The following ADAM23 variants were observed in gnomAD, a reference collection of about 807,000 sequenced individuals.
The protein encoded by ADAM23 is disintegrin and metalloproteinase domain-containing protein 23.
A neutral mutation model predicts 120.1 loss-of-function variants in ADAM23; 33 were observed. That is an observed-to-expected ratio of 0.27 (90% CI 0.21 to 0.37). The LOEUF (loss-of-function observed/expected upper bound fraction) is 0.37. ADAM23 is among the 10% of genes least tolerant of loss of function. The pLI, the probability that ADAM23 is intolerant of heterozygous loss-of-function variation, is 1.00. For missense variants in ADAM23, 862 were observed against 1,058.2 expected, an observed-to-expected ratio of 0.81 and a Z score of 2.57; for synonymous variants, 367 against 375.2, an observed-to-expected ratio of 0.98 and a Z score of 0.25.
At chr2:206,542,000 G>T (rs1697298891) in intron 4 of ADAM23, 52 bp from the exon 5 acceptor site, 5 of 1,581,944 alleles carry the variant, frequency 3.2e-6, no homozygotes, top group Admixed American at 1.7e-5. Context: ...AGCACCCAAA[G>T]AATTAATCAT....
rs1409746129 is a variant in ADAM23, at chr2:206,594,756, G to C, written c.2098G>C (p.Asp700His). ...IDCSGAHVVL[D>H]DDTDVGYVED... ...TTTTAGTGGTGCCCATGTAGTTTTAGATGATGATACGGATGTGGGCTATGT... is the reference window on the plus strand; with the variant it reads ...TTTTAGTGGTGCCCATGTAGTTTTACATGATGATACGGATGTGGGCTATGT... Residue 700 changes from aspartate to histidine, a missense_variant, in exon 23 of 26, where the codon GAT becomes CAT. By Grantham distance (81) the Asp-to-His change is moderately conservative. Coordinates refer to ENST00000264377, the MANE Select transcript of ADAM23 (RefSeq NM_003812.4). 1 of 1,614,194 alleles carries C rather than the reference G, an allele frequency of 6.2e-7. No individual in the cohort carries two copies. The highest frequency in any genetic ancestry group is 1.7e-5 in the Admixed American group (1 of 60,024).
chr2:206,557,989 T>TTTC (rs1697680174), intron 10 of ADAM23, among the ~76,000 whole-genome samples: 1 of 152,192 alleles, frequency 6.6e-6, no homozygotes, highest in African/African-American at 2.4e-5. Flanking sequence ...TCATACTTGA[T>TTTC]TTCTAGATGA....
intron 2 of ADAM23, among the ~76,000 whole-genome samples, chr2:206,451,732 A>T (rs1695198092): frequency 6.6e-6 from 1 of 152,276 alleles, no homozygotes; most frequent in African/African-American, 2.4e-5. Context: ...TGCTGAAGAG[A>T]GGTAGGGTGT....
At chr2:206,606,960 A>G (rs1698740408) in intron 24 of ADAM23, 1 of 152,214 alleles carries the variant, frequency 6.6e-6, no homozygotes, top group Non-Finnish European at 1.5e-5. Flanking sequence ...TGTGAATATC[A>G]GATATGTTTT....
At position 206,443,967 on chromosome 2, in the gene ADAM23, C is replaced by T; in HGVS notation, c.101C>T (p.Pro34Leu). ...GPQRGPAGSV[P>L]ASAPARTPPC... ...CAACGCGGCCCCGCCGGCTCGGTGCCTGCCAGCGCCCCGGCCCGCACGCCG... is the reference window on the plus strand; with the variant it reads ...CAACGCGGCCCCGCCGGCTCGGTGCTTGCCAGCGCCCCGGCCCGCACGCCG... Residue 34 changes from proline to leucine, a missense_variant, in exon 1 of 26, where the codon CCT becomes CTT. Physicochemically the swap from Pro to Leu is moderately conservative, Grantham distance 98 (BLOSUM62 -3). This residue lies in a region of ADAM23 where 225 missense variants were observed against 204.0 expected (regional missense o/e 1.10). Transcript: ENST00000264377. 2 of 1,340,432 alleles carry T rather than the reference C, an allele frequency of 1.5e-6. No homozygotes were observed. Among genetic ancestry groups the T allele is most frequent in the African/African-American group, 1.5e-5 (1 of 66,048 alleles). 83.0% of individuals were successfully genotyped at this position (1,340,432 alleles called of 1,614,324 possible). A position where few individuals can be genotyped will look rare whatever the true frequency, so the allele number is the denominator to read the frequency against.
intron 23 of ADAM23, among the ~76,000 whole-genome samples, chr2:206,595,555 G>A (rs1389593524): frequency 6.6e-6 from 1 of 152,080 alleles, no homozygotes; most frequent in Non-Finnish European, 1.5e-5. Flanking sequence ...ACGTGGTAAC[G>A]GTGAGGTCAT....
At chr2:206,581,230 G>A (rs1480987002) in intron 18 of ADAM23, among the ~76,000 whole-genome samples, 1 of 151,956 alleles carries the variant, frequency 6.6e-6, no homozygotes, top group African/African-American at 2.4e-5. Flanking sequence ...ATTTAGTTCT[G>A]TGCTGATCTC....
At chr2:206,612,782 G>A (rs116360212) in intron 25 of ADAM23, among the ~76,000 whole-genome samples, 2,555 of 152,286 alleles carry the variant, frequency 0.017, 28 homozygotes, top group Non-Finnish European at 0.027. Flanking sequence ...TAAAAAGCAT[G>A]AAAATGTGTG....
chr2:206,443,923 C>T lies in ADAM23; in HGVS notation c.57C>T (p.Ala19=), dbSNP rs867475428. 12 of 1,226,004 alleles carry T rather than the reference C, an allele frequency of 9.8e-6. No individual in the cohort carries two copies. Among genetic ancestry groups the T allele is most frequent in the African/African-American group, 1.6e-5 (1 of 63,064 alleles). 75.9% of individuals were successfully genotyped at this position (1,226,004 alleles called of 1,614,324 possible). ...CGCCCCTGGCGGGCTGCAGCCTTGC[C>T]GGCGCTTCCTGCGGCCCCCAACGCG... is the stretch of plus-strand genomic sequence containing the variant. The part of the protein sequence containing the change: ...RQPPLAGCSL[A]GASCGPQRGP... Residue 19 remains alanine (A), a synonymous_variant, in exon 1 of 26, where the codon GCC becomes GCT. Transcript: ENST00000264377.
intron 3 of ADAM23, among the ~76,000 whole-genome samples, chr2:206,498,881 A>G (rs996445736): frequency 2.0e-5 from 3 of 152,370 alleles, no homozygotes; most frequent in African/African-American, 2.4e-5. Context: ...TATGCAGCCA[A>G]AAAAACATGA....
chr2:206,474,328 G>GC (rs1246832305), intron 2 of ADAM23, among the ~76,000 whole-genome samples: 2 of 152,062 alleles, frequency 1.3e-5, no homozygotes, highest in African/African-American at 4.8e-5. Flanking sequence ...CTTGAACAAG[G>GC]TCAAAGCATA....
chr2:206,449,103 G>GT (rs1218468218), intron 2 of ADAM23, among the ~76,000 whole-genome samples: 1 of 152,158 alleles, frequency 6.6e-6, no homozygotes, highest in Non-Finnish European at 1.5e-5. Flanking sequence ...CATCGAGGTG[G>GT]TATGTGATGG....
chr2:206,516,525 C>T (rs1173174451), intron 3 of ADAM23, among the ~76,000 whole-genome samples: 1 of 152,006 alleles, frequency 6.6e-6, no homozygotes, highest in Non-Finnish European at 1.5e-5. Flanking sequence ...AGACCCTCTT[C>T]CTGGCTTATA....
In ADAM23 at chr2:206,618,960, T is replaced by G. The variant is rs921926258; in HGVS notation, c.*1333T>G. 1.4e-4 allele frequency: 22 copies of G among 152,160 alleles called. No individual in the cohort carries two copies. The highest frequency in any genetic ancestry group is 2.6e-4 in the Non-Finnish European group (18 of 68,032). The allele number at this position is 152,160 out of a possible 1,614,324, so 9.4% of individuals were successfully genotyped here. A position where few individuals can be genotyped will look rare whatever the true frequency, so the allele number is the denominator to read the frequency against. On this transcript the variant is annotated 3_prime_UTR_variant, in exon 26 of 26. Coordinates refer to ENST00000264377, the MANE Select transcript of ADAM23 (RefSeq NM_003812.4). ...AACTTAAAGCCTTAAATAAAAAAAT[T>G]TTTTTAAATGTTAAAAGCTTGGAAA... is the stretch of plus-strand genomic sequence containing the variant.
At chr2:206,509,727 G>C (rs1483197230) in intron 3 of ADAM23, among the ~76,000 whole-genome samples, 1 of 152,226 alleles carries the variant, frequency 6.6e-6, no homozygotes, top group Non-Finnish European at 1.5e-5. Context: ...GGGATTACAG[G>C]TGTGAGCCAC....
chr2:206,477,384 A>G (rs1695795337), intron 2 of ADAM23, among the ~76,000 whole-genome samples: 1 of 152,156 alleles, frequency 6.6e-6, no homozygotes, highest in South Asian at 2.1e-4. Context: ...TTCTGAGTTA[A>G]AAGAAAAATA....
intron 24 of ADAM23, chr2:206,609,697 G>C: frequency 2.0e-6 from 1 of 496,488 alleles, no homozygotes; most frequent in African/African-American, 2.0e-5. Context: ...ATTGTCAATG[G>C]TGCAGAAACT....
At chr2:206,531,482 C>T (rs1273869649) in intron 4 of ADAM23, among the ~76,000 whole-genome samples, 6 of 152,146 alleles carry the variant, frequency 3.9e-5, no homozygotes, top group Non-Finnish European at 8.8e-5. Flanking sequence ...GGCCACGGGA[C>T]ATTGAATATG....
chr2:206,606,481 T>A (rs1698730922), intron 24 of ADAM23: 1 of 152,236 alleles, frequency 6.6e-6, no homozygotes, highest in Admixed American at 6.5e-5. Flanking sequence ...ACATAAATAT[T>A]TGGAAGCAAG....
Sources: gnomAD v4.1 joint callset for allele counts (sites outside exome capture counted in the v4.1 genomes callset) on GRCh38, gnomAD v4.1.1 for gene constraint, gnomAD v4.1.1 regional missense constraint, MANE v1.5 for transcripts, NCBI Gene and HGNC (gene_info 2026-07-23, HGNC 2026-07-21) for gene names.